Variants in RIPOR2 observed in about 807,000 individuals in gnomAD.
The protein encoded by RIPOR2 is rho family-interacting cell polarization regulator 2.
A neutral mutation model predicts 114.5 loss-of-function variants in RIPOR2; 39 were observed. The observed-to-expected ratio is 0.34, with a 90% CI of 0.26 to 0.44. The LOEUF is 0.44. Among genes scored for constraint, RIPOR2 ranks in the 20% least tolerant of loss-of-function variants. RIPOR2 has a pLI of 1.00. For missense variants in RIPOR2, 1,007 were observed against 1,255.1 expected (o/e 0.80, Z 2.99); for synonymous variants, 445 against 484.4 (o/e 0.92, Z 1.07).
intron 1 of RIPOR2, among the ~76,000 whole-genome samples, chr6:24,890,154 C>T (rs1299232955): frequency 1.3e-5 from 2 of 152,092 alleles, no homozygotes; most frequent in Admixed American, 6.5e-5. Context: ...CTCAGCCTCC[C>T]AAAGTACTGG....
At chr6:24,832,832 TAATG>T (rs1413653344) in intron 15 of RIPOR2, among the ~76,000 whole-genome samples, 2 of 152,208 alleles carry the variant, frequency 1.3e-5, no homozygotes, top group African/African-American at 2.4e-5. Context: ...GGTTAAATAA[TAATG>T]AGAATTACAA....
chr6:24,940,990 T>G (rs1364635426), intron 1 of RIPOR2, among the ~76,000 whole-genome samples: 1 of 152,064 alleles, frequency 6.6e-6, no homozygotes, highest in East Asian at 1.9e-4. Flanking sequence ...GTTTTCATGT[T>G]GCAAAGAGGA....
At chr6:24,938,908 G>C (rs574231125), upstream of RIPOR2, among the ~76,000 whole-genome samples, 1 of 152,286 alleles carries the variant, frequency 6.6e-6, no homozygotes, top group South Asian at 2.1e-4. Context: ...ACATATGCAT[G>C]CATCAATATG....
At chr6:24,836,159 C>A (rs1761088972) in intron 14 of RIPOR2, 1 of 365,968 alleles carries the variant, frequency 2.7e-6, no homozygotes, top group African/African-American at 2.0e-5. Flanking sequence ...TTGAAACATG[C>A]CCTCATTTTG....
chr6:25,029,613 G>GCC (rs1030612656), intron 1 of RIPOR2, among the ~76,000 whole-genome samples: 2 of 151,894 alleles, frequency 1.3e-5, no homozygotes, highest in African/African-American at 4.8e-5. Context: ...GACCCTCCGT[G>GCC]CCCCACATCA....
At chr6:25,005,736 T>TATATATATAC (rs1775530430) in intron 1 of RIPOR2, among the ~76,000 whole-genome samples, 1 of 100,252 alleles carries the variant, frequency 1.0e-5, no homozygotes, top group African/African-American at 3.6e-5. Context: ...TATATATATA[T>TATATATATAC]ATATACATTT....
chr6:24,910,993 T>TC lies in RIPOR2; in HGVS notation c.61+24844dup, dbSNP rs199633364. 7.1e-3 allele frequency: 6,992 copies of TC among 985,082 alleles called. 71 individuals are homozygous for TC. Among genetic ancestry groups the TC allele is most frequent in the African/African-American group, 0.049 (2,794 of 57,280 alleles). The allele number at this position is 985,082 out of a possible 1,614,324, so 61.0% of individuals were successfully genotyped here. A position where few individuals can be genotyped will look rare whatever the true frequency, so the allele number is the denominator to read the frequency against. ...GAGGAAGTCGGGTGGACGCGAGCTG[T>TC]CCCCAGCGCCGGCTGCCCTGCCGCG... On this transcript the variant is annotated intron_variant, in intron 1 of 21. Transcript: ENST00000643898.
intron 1 of RIPOR2, among the ~76,000 whole-genome samples, chr6:25,013,878 C>A (rs990811265): frequency 8.5e-5 from 13 of 152,218 alleles, no homozygotes; most frequent in African/African-American, 2.9e-4. Context: ...AAGCCAGACA[C>A]TTGCACTTTC....
At chr6:24,884,677 T>C (rs1006156956) in intron 1 of RIPOR2, among the ~76,000 whole-genome samples, 3 of 152,232 alleles carry the variant, frequency 2.0e-5, no homozygotes, top group African/African-American at 7.2e-5. Context: ...TCACACTGTA[T>C]CTGTAGAGTA....
intron 1 of RIPOR2, among the ~76,000 whole-genome samples, chr6:24,878,971 A>T (rs1411428357): frequency 2.1e-5 from 2 of 94,590 alleles, no homozygotes; most frequent in African/African-American, 1.1e-4. Context: ...GGTTCTCAAA[A>T]TCAGAACAAA....
In RIPOR2 at chr6:24,848,062, G is replaced by T; in HGVS notation, c.1127C>A (p.Thr376Asn). The change falls in exon 12 of 22, where the codon ACC becomes AAC. Residue 376 changes from threonine to asparagine, a missense_variant. Transcript: ENST00000643898. ...GTCTTTGAAGGTGGGCGTTTCCGGG[G>T]TACCCTGGCTGTACATGGACATTCT... ...QRRMSMYSQG[T>N]PETPTFKDHS... 6.2e-7 allele frequency: 1 copy of T among 1,613,984 alleles called. No individual in the cohort carries two copies. Among genetic ancestry groups the T allele is most frequent in the Non-Finnish European group, 8.5e-7 (1 of 1,179,876 alleles).
chr6:24,885,723 T>C (rs1766778621), intron 1 of RIPOR2, among the ~76,000 whole-genome samples: 1 of 152,046 alleles, frequency 6.6e-6, no homozygotes, highest in East Asian at 1.9e-4. Context: ...AGGATTTTTG[T>C]AAGGTGCAAA....
chr6:25,017,338 C>T (rs1259285658), intron 1 of RIPOR2, among the ~76,000 whole-genome samples: 5 of 152,150 alleles, frequency 3.3e-5, no homozygotes, highest in Non-Finnish European at 7.3e-5. Flanking sequence ...GCATAAATGC[C>T]ATTTAGGCAG....
In RIPOR2 at chr6:25,000,984, G is replaced by A. The variant is rs148840521; in HGVS notation, c.76+40867C>T. 4.4e-3 allele frequency among the ~76,000 whole-genome samples: 676 copies of A among 152,204 alleles called. 4 individuals carry two copies. Among genetic ancestry groups the A allele is most frequent in the Non-Finnish European group, 6.9e-3 (468 of 68,006 alleles). ...TCAGTATGTTCAGGAAAGGGGCTGC[G>A]GACCTCGATTTTTTTTCAGGTGTAA... On this transcript the variant is annotated intron_variant, in intron 1 of 13. Transcript: ENST00000510784.
chr6:24,843,779 T>C (rs1761988406), intron 12 of RIPOR2, among the ~76,000 whole-genome samples: 1 of 150,338 alleles, frequency 6.7e-6, no homozygotes, highest in Non-Finnish European at 1.5e-5. Flanking sequence ...CAAGGACTGT[T>C]TCTATTGTTG....
At chr6:24,969,039 G>A (rs1773657300) in intron 1 of RIPOR2, among the ~76,000 whole-genome samples, 1 of 152,176 alleles carries the variant, frequency 6.6e-6, no homozygotes, top group Non-Finnish European at 1.5e-5. Flanking sequence ...TTAGACAAGC[G>A]ATATAAAGTG....
At chr6:24,912,830 T>G (rs556838565) in intron 1 of RIPOR2, among the ~76,000 whole-genome samples, 119 of 152,196 alleles carry the variant, frequency 7.8e-4, no homozygotes, top group Non-Finnish European at 1.1e-3. Context: ...ACATATAACC[T>G]TTTATGAGAG....
In RIPOR2 at chr6:24,854,316, T is replaced by C. The variant is rs143233158; in HGVS notation, c.716-1698A>G. 1.5e-4 allele frequency among the ~76,000 whole-genome samples: 23 copies of C among 152,276 alleles called. No homozygotes were observed. In the East Asian group the frequency reaches 4.2e-3, roughly 28 times the overall value. On this transcript the variant is annotated intron_variant, in intron 8 of 21. Coordinates refer to ENST00000643898, the MANE Select transcript of RIPOR2 (RefSeq NM_001286445.3). ...AATAGTTTCATGGAGGAAAGTAGCA[T>C]TTGAATAACAGAGTTTCACCACAGT...
intron 6 of RIPOR2, 70 bp downstream of exon 6, chr6:24,869,024 T>C: frequency 2.3e-6 from 2 of 871,350 alleles, no homozygotes; most frequent in East Asian, 2.6e-5. Context: ...GATACTACGC[T>C]CAGCCCAAAG....
Sources: gnomAD v4.1 joint callset for allele counts (sites outside exome capture counted in the v4.1 genomes callset) on GRCh38, gnomAD v4.1.1 for gene constraint, MANE v1.5 for transcripts, NCBI Gene and HGNC (gene_info 2026-07-23, HGNC 2026-07-21) for gene names.